The following PIGN variants were observed in gnomAD, a reference collection of about 807,000 sequenced individuals.
PIGN encodes the protein GPI ethanolamine phosphate transferase 1.
Under a neutral mutation model 125.4 loss-of-function variants are expected in PIGN, and 117 were observed. The ratio of observed to expected loss-of-function variants is 0.93; its 90% CI spans 0.80 to 1.09. The LOEUF (loss-of-function observed/expected upper bound fraction) is 1.09, where lower values mean the gene tolerates loss of function less well. Among genes scored for constraint, PIGN ranks in the 50% least tolerant of loss-of-function variants. The probability of loss-of-function intolerance (pLI) is 0.00; values close to 1 mark genes in which losing one functional copy is unlikely to be tolerated. For synonymous variants in PIGN, 392 were observed against 377.8 expected, an observed-to-expected ratio of 1.04 and a Z score of -0.44; for missense variants, 1,075 against 1,094.9, an observed-to-expected ratio of 0.98 and a Z score of 0.26.
intron 1 of PIGN, among the ~76,000 whole-genome samples, chr18:62,173,302 G>C (rs947920036): frequency 6.6e-6 from 1 of 152,082 alleles, no homozygotes; most frequent in Non-Finnish European, 1.5e-5. Context: ...ACCCAGGCTG[G>C]AGTGCAACAG....
intron 14 of PIGN, among the ~76,000 whole-genome samples, chr18:62,122,815 A>T (rs2035357603): frequency 6.6e-6 from 1 of 152,088 alleles, no homozygotes; most frequent in Admixed American, 6.6e-5. Context: ...TTCCCTCTAG[A>T]CCTATCTTTC....
rs958559695 is a variant in PIGN at position 62,041,629 on chromosome 18, C to A, written c.*4227G>T. ...GAGTAGCAAGGATTACAGGAGCCTA[C>A]CACCCCGCCGGGTGTGTGTGTGTGT... On this transcript the variant is annotated 3_prime_UTR_variant, in exon 31 of 31. Coordinates refer to ENST00000640252, the MANE Select transcript of PIGN (RefSeq NM_176787.5). The A allele has an allele frequency of 2.1e-5, 3 of 141,792 alleles. No homozygotes were observed. Among genetic ancestry groups the A allele is most frequent in the Non-Finnish European group, 3.1e-5 (2 of 64,832 alleles). The allele number at this position is 141,792 out of a possible 1,614,324, so 8.8% of individuals were successfully genotyped here.
At chr18:62,070,452 A>G (rs2032777626) in intron 30 of PIGN, 1 of 393,136 alleles carries the variant, frequency 2.5e-6, no homozygotes, top group South Asian at 1.3e-4. Flanking sequence ...TCCACAGTCT[A>G]TTGGGAGAGG....
chr18:62,157,028 T>G (rs938297366), intron 6 of PIGN, 101 bp downstream of exon 6: 37 of 536,108 alleles, frequency 6.9e-5, no homozygotes, highest in African/African-American at 6.4e-4. Flanking sequence ...TAAAAATATG[T>G]GTAAAAATCA....
At chr18:62,057,305 C>T (rs1046543421) in intron 30 of PIGN, among the ~76,000 whole-genome samples, 2 of 106,526 alleles carry the variant, frequency 1.9e-5, no homozygotes, top group African/African-American at 5.3e-5. Context: ...AAACTCACTC[C>T]TCCTAGAGCT....
rs1393754449 is a variant in PIGN at position 62,162,283 on chromosome 18, G to A, written c.-63C>T. 1 of 152,034 alleles carries A rather than the reference G, an allele frequency of 6.6e-6. No homozygotes were observed. Among genetic ancestry groups the A allele is most frequent in the Non-Finnish European group, 1.5e-5 (1 of 67,966 alleles). The allele number at this position is 152,034 out of a possible 1,614,324, so 9.4% of individuals were successfully genotyped here. A position where few individuals can be genotyped will look rare whatever the true frequency, so the allele number is the denominator to read the frequency against. On this transcript the variant is annotated 5_prime_UTR_variant, in exon 3 of 31. Transcript: ENST00000640252. ...AATTGCCAAGATCAAACGGAACATGGGAGTACTTTCCAAGCCAGTGTGTAA... is the reference window on the plus strand; with the variant it reads ...AATTGCCAAGATCAAACGGAACATGAGAGTACTTTCCAAGCCAGTGTGTAA...
At chr18:62,145,012 G>C (rs1218932430) in intron 10 of PIGN, among the ~76,000 whole-genome samples, 2 of 16,448 alleles carry the variant, frequency 1.2e-4, no homozygotes, top group African/African-American at 4.7e-4. Flanking sequence ...AACTGGCGGG[G>C]GGGGGGGGGC....
chr18:62,064,922 A>T (rs2032414937), intron 30 of PIGN, among the ~76,000 whole-genome samples: 1 of 27,916 alleles, frequency 3.6e-5, no homozygotes, highest in Non-Finnish European at 1.0e-4. Flanking sequence ...GACACTTCTA[A>T]AAAAAAAAAC....
intron 30 of PIGN, among the ~76,000 whole-genome samples, chr18:62,066,021 T>C (rs909359705): frequency 6.6e-6 from 1 of 152,138 alleles, no homozygotes; most frequent in African/African-American, 2.4e-5. Flanking sequence ...AAAAGCCCTT[T>C]TGGGTCTTAC....
intron 23 of PIGN, among the ~76,000 whole-genome samples, chr18:62,024,177 T>C (rs1728153123): frequency 6.6e-6 from 1 of 152,228 alleles, no homozygotes; most frequent in African/African-American, 2.4e-5. Flanking sequence ...GGATATACAT[T>C]GGATTTTTGA....
Position 62,044,394 on chromosome 18 carries a change from T to C in PIGN, c.*1462A>G, listed in dbSNP as rs200509505. 3 of 152,216 alleles carry C rather than the reference T, an allele frequency of 2.0e-5. No individual in the cohort carries two copies. Among genetic ancestry groups the C allele is most frequent in the East Asian group, 1.9e-4 (1 of 5,206 alleles). 9.4% of individuals were successfully genotyped at this position (152,216 alleles called of 1,614,324 possible). A position where few individuals can be genotyped will look rare whatever the true frequency, so the allele number is the denominator to read the frequency against. On this transcript the variant is annotated 3_prime_UTR_variant, in exon 31 of 31. Transcript: ENST00000640252. Reference sequence around the variant, plus strand: ...AAATCCTTTGAGGTAATATGAAAGTTCATGATTCTCATTCCATCAACATCA... The same window carrying C: ...AAATCCTTTGAGGTAATATGAAAGTCCATGATTCTCATTCCATCAACATCA...
intron 1 of PIGN, among the ~76,000 whole-genome samples, chr18:62,178,379 T>C (rs775737730): frequency 5.5e-4 from 83 of 151,926 alleles, no homozygotes; most frequent in Non-Finnish European, 8.7e-4. Flanking sequence ...CTAACCCTTA[T>C]AATAAACCAC....
At chr18:62,080,769 C>T (rs936847854) in intron 28 of PIGN, among the ~76,000 whole-genome samples, 8 of 152,132 alleles carry the variant, frequency 5.3e-5, no homozygotes, top group East Asian at 1.9e-4. Context: ...CTGCCAACCT[C>T]CAGACTCCAT....
Position 62,147,063 on chromosome 18 carries a change from A to G in PIGN, c.713T>C (p.Val238Ala), listed in dbSNP as rs1235256343. 6.2e-7 allele frequency: 1 copy of G among 1,607,522 alleles called. No individual in the cohort carries two copies. Among genetic ancestry groups the G allele is most frequent in the Admixed American group, 1.7e-5 (1 of 59,748 alleles). ...KHNIKKVDDG[V>A]KEIVSMFNHF... ...GTTAAACATAGACACGATTTCTTTAACTCCATCATCAACTTTTTTAATATT... is the reference window on the plus strand; with the variant it reads ...GTTAAACATAGACACGATTTCTTTAGCTCCATCATCAACTTTTTTAATATT... Residue 238 changes from valine to alanine, a missense_variant, in exon 9 of 31, where the codon GTT becomes GCT. This residue lies in a region of PIGN where 915 missense variants were observed against 908.7 expected (regional missense o/e 1.01). Coordinates refer to ENST00000640252, the MANE Select transcript of PIGN (RefSeq NM_176787.5).
chr18:62,117,142 A>G (rs1012354515), intron 14 of PIGN, among the ~76,000 whole-genome samples: 9 of 152,144 alleles, frequency 5.9e-5, no homozygotes, highest in African/African-American at 2.2e-4. Flanking sequence ...TGTTCTATAC[A>G]AGCCTCAATG....
chr18:62,118,296 T>C (rs2035164556), intron 14 of PIGN, among the ~76,000 whole-genome samples: 2 of 152,180 alleles, frequency 1.3e-5, no homozygotes, highest in Admixed American at 6.5e-5. Flanking sequence ...ATAAAATGAC[T>C]AAAACACTAA....
intron 23 of PIGN, among the ~76,000 whole-genome samples, chr18:62,027,686 G>T (rs659894): frequency 0.79 from 120,122 of 152,092 alleles, 48,936 homozygotes; most frequent in Non-Finnish European, 0.88. Flanking sequence ...CCCTGAACAG[G>T]TCCTAGTTTG....
intron 16 of PIGN, 27 bp from the exon 17 acceptor site, chr18:62,110,000 C>T (rs184318781): frequency 6.2e-6 from 10 of 1,609,976 alleles, no homozygotes. Flanking sequence ...AACATTGAAA[C>T]ACTTCCAAAC....
At chr18:62,068,057 G>C (rs1409512772) in intron 30 of PIGN, among the ~76,000 whole-genome samples, 2 of 152,160 alleles carry the variant, frequency 1.3e-5, no homozygotes, top group Non-Finnish European at 2.9e-5. Context: ...CCTTACTAAA[G>C]TGGAGGCACA....
Sources: allele counts gnomAD v4.1 joint callset (sites outside exome capture counted in the v4.1 genomes callset), GRCh38; gene constraint gnomAD v4.1.1; regional missense constraint gnomAD v4.1.1; transcripts MANE v1.5; gene names NCBI Gene and HGNC (gene_info 2026-07-23, HGNC 2026-07-21).